Variants in CLEC16A observed in about 807,000 individuals in gnomAD.
CLEC16A encodes C-type lectin domain containing 16A.
In CLEC16A, 51 loss-of-function variants were observed where a neutral mutation model predicts 109.5. The observed-to-expected ratio is 0.47, with a 90% CI of 0.37 to 0.59. The LOEUF is 0.59. Among genes scored for constraint, CLEC16A ranks in the 20% least tolerant of loss-of-function variants. The probability of loss-of-function intolerance (pLI) is 0.00; values close to 1 mark genes in which losing one functional copy is unlikely to be tolerated. For missense variants in CLEC16A, 1,339 were observed against 1,394.0 expected, an observed-to-expected ratio of 0.96 and a Z score of 0.63; for synonymous variants, 673 against 564.2, an observed-to-expected ratio of 1.19 and a Z score of -2.73.
At chr16:10,977,541 T>G in intron 8 of CLEC16A, 142 bp downstream of exon 8, 1 of 828,612 alleles carries the variant, frequency 1.2e-6, no homozygotes, top group Non-Finnish European at 1.8e-6. Context: ...AAAGACGGAG[T>G]TTTGCTCTTT....
chr16:11,068,457 T>C (rs2048883899), intron 19 of CLEC16A, among the ~76,000 whole-genome samples: 1 of 152,226 alleles, frequency 6.6e-6, no homozygotes, highest in Non-Finnish European at 1.5e-5. Flanking sequence ...AGTCAGTTGC[T>C]CCTCTTCATG....
At chr16:11,002,716 T>C (rs1175858977) in intron 10 of CLEC16A, among the ~76,000 whole-genome samples, 3 of 152,168 alleles carry the variant, frequency 2.0e-5, no homozygotes, top group Non-Finnish European at 4.4e-5. Flanking sequence ...GCACATGTTA[T>C]TTAGCTCCTG....
At chr16:11,042,960 G>A (rs1055299051) in intron 15 of CLEC16A, among the ~76,000 whole-genome samples, 43 of 150,072 alleles carry the variant, frequency 2.9e-4, no homozygotes, top group South Asian at 4.2e-4. Context: ...TATACACTAC[G>A]TATATTTACA....
intron 11 of CLEC16A, among the ~76,000 whole-genome samples, chr16:11,019,346 T>G (rs1037646971): frequency 5.9e-5 from 9 of 152,224 alleles, no homozygotes; most frequent in Non-Finnish European, 1.2e-4. Context: ...TTAAGCTGAT[T>G]GCTACAGGTT....
intron 19 of CLEC16A, among the ~76,000 whole-genome samples, chr16:11,072,346 T>C (rs2049123350): frequency 6.6e-6 from 1 of 152,192 alleles, no homozygotes; most frequent in Non-Finnish European, 1.5e-5. Flanking sequence ...CTCCAACTCC[T>C]GGCCTCAAGT....
In CLEC16A at chr16:10,961,881, T is replaced by G. The variant is rs1176828438; in HGVS notation, c.210-574T>G. ...TGGAATGTCCCCCAAAATGGGTTTG[T>G]CTCACTTTTCTCATGATTAAACTGG... is the stretch of plus-strand genomic sequence containing the variant. On this transcript the variant is annotated intron_variant, in intron 2 of 23. Transcript: ENST00000409790. The surrounding 1 kb of genome is among the most constrained non-coding windows in gnomAD (Gnocchi z 4.3). 6.6e-6 allele frequency among the ~76,000 whole-genome samples: 1 copy of G among 152,194 alleles called. No individual in the cohort carries two copies. The highest frequency in any genetic ancestry group is 1.5e-5 in the Non-Finnish European group (1 of 68,038).
intron 15 of CLEC16A, among the ~76,000 whole-genome samples, chr16:11,043,665 GA>G (rs2047471488): frequency 6.6e-6 from 1 of 152,032 alleles, no homozygotes; most frequent in East Asian, 1.9e-4. Flanking sequence ...AGGAGTTCGA[GA>G]CCAGCCTGGC....
chr16:11,047,654 GAT>G (rs1347199818), intron 17 of CLEC16A: 1 of 196,650 alleles, frequency 5.1e-6, no homozygotes. Flanking sequence ...ATGCTGTACA[GAT>G]TATATCTCTT....
intron 19 of CLEC16A, among the ~76,000 whole-genome samples, chr16:11,114,071 A>G (rs926358841): frequency 1.3e-5 from 2 of 150,624 alleles, no homozygotes; most frequent in Non-Finnish European, 2.9e-5. Flanking sequence ...ATTCTTGCCA[A>G]TCCTATGGGC....
At chr16:11,152,057 G>C (rs905310637) in intron 22 of CLEC16A, among the ~76,000 whole-genome samples, 1 of 152,198 alleles carries the variant, frequency 6.6e-6, no homozygotes, top group Non-Finnish European at 1.5e-5. Context: ...TGCCGGCTAG[G>C]AACCAGCATT....
intron 22 of CLEC16A, among the ~76,000 whole-genome samples, chr16:11,130,964 T>C (rs1409605107): frequency 6.6e-6 from 1 of 152,162 alleles, no homozygotes; most frequent in African/African-American, 2.4e-5. Context: ...ATTAAAGTAG[T>C]GTATAAATCA....
intron 19 of CLEC16A, among the ~76,000 whole-genome samples, chr16:11,065,450 A>G (rs2048709463): frequency 6.6e-6 from 1 of 152,250 alleles, no homozygotes; most frequent in Non-Finnish European, 1.5e-5. Flanking sequence ...ATGAAGACCC[A>G]TTCATGCATT....
At chr16:11,032,757 G>A (rs1429683930) in intron 13 of CLEC16A, among the ~76,000 whole-genome samples, 1 of 152,228 alleles carries the variant, frequency 6.6e-6, no homozygotes, top group Admixed American at 6.5e-5. Flanking sequence ...GAAGGGAGCA[G>A]CATGTACAGA....
In CLEC16A at chr16:11,169,628, A is replaced by G. The variant is rs115292049; in HGVS notation, c.2806+3076A>G. ...GCATGGCCAGGTGTTTGGCTGGGCA[A>G]GTACACAAGATATGCCATCCCCCAA... On this transcript the variant is annotated intron_variant, in intron 23 of 23. Coordinates refer to ENST00000409790, the MANE Select transcript of CLEC16A (RefSeq NM_015226.3). 3.0e-3 allele frequency among the ~76,000 whole-genome samples: 458 copies of G among 152,350 alleles called. 1 individual carries two copies. Among genetic ancestry groups the G allele is most frequent in the African/African-American group, 0.011 (443 of 41,578 alleles).
intron 19 of CLEC16A, among the ~76,000 whole-genome samples, chr16:11,091,925 A>AC: frequency 6.6e-6 from 1 of 152,128 alleles, no homozygotes; most frequent in East Asian, 1.9e-4. Flanking sequence ...GTGTTCTGAC[A>AC]CCCTGGGACT....
intron 22 of CLEC16A, among the ~76,000 whole-genome samples, chr16:11,139,708 G>A (rs577847580): frequency 1.3e-5 from 2 of 152,306 alleles, no homozygotes; most frequent in African/African-American, 4.8e-5. Flanking sequence ...AATTCACAGC[G>A]TGATTTGGGG....
At chr16:10,989,446 G>A (rs560818671) in intron 10 of CLEC16A, among the ~76,000 whole-genome samples, 16 of 152,144 alleles carry the variant, frequency 1.1e-4, no homozygotes, top group South Asian at 2.1e-4. Flanking sequence ...TGTTACCCAA[G>A]CTGGTCTCGA....
At chr16:11,150,263 C>T (rs1428303556) in intron 22 of CLEC16A, 2 of 152,208 alleles carry the variant, frequency 1.3e-5, no homozygotes, top group African/African-American at 4.8e-5. Flanking sequence ...AAGTATGGAT[C>T]TGTAATTGTG....
chr16:11,116,459 TG>T, intron 19 of CLEC16A, among the ~76,000 whole-genome samples: 1 of 151,698 alleles, frequency 6.6e-6, no homozygotes. Flanking sequence ...GGATTTGCTG[TG>T]GGGGTACCTG....
Sources: allele counts gnomAD v4.1 joint callset (sites outside exome capture counted in the v4.1 genomes callset), GRCh38; gene constraint gnomAD v4.1.1; non-coding constraint Gnocchi (gnomAD v3.1); transcripts MANE v1.5; gene names NCBI Gene and HGNC (gene_info 2026-07-23, HGNC 2026-07-21).